The following IL1RAPL1 variants were observed in gnomAD, a reference collection of about 807,000 sequenced individuals.
The protein encoded by IL1RAPL1 is interleukin 1 receptor accessory protein like 1.
IL1RAPL1 carries 3 observed loss-of-function variants against 48.4 expected under a neutral mutation model. The observed-to-expected ratio is 0.06, with a 90% CI of 0.03 to 0.16. The LOEUF (loss-of-function observed/expected upper bound fraction) is 0.16, where lower values mean the gene tolerates loss of function less well. Ranked by LOEUF, IL1RAPL1 falls within the 10% of genes least tolerant of loss-of-function variation. The probability of loss-of-function intolerance (pLI) is 1.00; values close to 1 mark genes in which losing one functional copy is unlikely to be tolerated. For missense variants in IL1RAPL1, 349 were observed against 530.6 expected (o/e 0.66, Z 3.36); for synonymous variants, 185 against 187.7 (o/e 0.99, Z 0.12).
At chrX:28,750,714 C>G (rs1936033436) in intron 1 of IL1RAPL1, among the ~76,000 whole-genome samples, 1 of 111,543 alleles carries the variant, frequency 9.0e-6, no homozygotes, top group African/African-American at 3.3e-5. Flanking sequence ...TGTTTCTGAA[C>G]TTGTAAGGAA....
intron 2 of IL1RAPL1, among the ~76,000 whole-genome samples, chrX:28,827,500 G>C (rs1333185771): frequency 2.7e-5 from 3 of 111,229 alleles, no homozygotes; most frequent in Non-Finnish European, 3.8e-5. Context: ...ACTTTATTAG[G>C]TTATTTTTTA....
intron 2 of IL1RAPL1, among the ~76,000 whole-genome samples, chrX:28,808,299 A>G (rs1304990728): frequency 9.0e-6 from 1 of 111,268 alleles, no homozygotes; most frequent in African/African-American, 3.3e-5. Flanking sequence ...TTTTAAATGG[A>G]AACACTTAGT....
intron 2 of IL1RAPL1, among the ~76,000 whole-genome samples, chrX:28,914,847 G>A (rs1048902609): frequency 2.7e-5 from 3 of 112,106 alleles, no homozygotes; most frequent in African/African-American, 6.5e-5. Context: ...AAAACTAATC[G>A]CTTGGTAAAG....
At chrX:29,226,390 T>G (rs1931078089) in intron 2 of IL1RAPL1, among the ~76,000 whole-genome samples, 1 of 110,457 alleles carries the variant, frequency 9.1e-6, no homozygotes, top group Non-Finnish European at 1.9e-5. Context: ...TTGTTTTAAT[T>G]ATTCTCATTA....
intron 5 of IL1RAPL1, among the ~76,000 whole-genome samples, chrX:29,625,187 A>G (rs940337607): frequency 8.9e-6 from 1 of 112,062 alleles, no homozygotes; most frequent in Non-Finnish European, 1.9e-5. Context: ...GACTTGGCCT[A>G]ATTTTAAGAA....
intron 6 of IL1RAPL1, among the ~76,000 whole-genome samples, chrX:29,804,365 G>A (rs771784445): frequency 1.8e-5 from 2 of 111,184 alleles, no homozygotes; most frequent in South Asian, 7.7e-4. Flanking sequence ...TTTATTTTGA[G>A]GGAAGAGATA....
At chrX:29,476,479 A>G (rs141377577) in intron 5 of IL1RAPL1, among the ~76,000 whole-genome samples, 3 of 111,825 alleles carry the variant, frequency 2.7e-5, no homozygotes, top group African/African-American at 9.8e-5. Flanking sequence ...TGATGTAAAT[A>G]GTTATAGGTA....
intron 2 of IL1RAPL1, among the ~76,000 whole-genome samples, chrX:29,065,231 TTTTG>T (rs1247807363): frequency 9.0e-6 from 1 of 111,020 alleles, no homozygotes; most frequent in Non-Finnish European, 1.9e-5. Flanking sequence ...TACTTTCAGT[TTTTG>T]TTTGTGTGGG....
chrX:29,346,063 A>G (rs1005851226), intron 3 of IL1RAPL1, among the ~76,000 whole-genome samples: 3 of 112,130 alleles, frequency 2.7e-5, no homozygotes, highest in African/African-American at 9.7e-5. Flanking sequence ...AAAGGCTCCA[A>G]TGAGGAAAAG....
At chrX:29,488,983 G>A (rs751115902) in intron 5 of IL1RAPL1, among the ~76,000 whole-genome samples, 42 of 111,160 alleles carry the variant, frequency 3.8e-4, no homozygotes, top group Admixed American at 2.9e-3. Flanking sequence ...TGACATTTAA[G>A]CCTAAAACCA....
At chrX:29,056,468 C>T (rs1410457832) in intron 2 of IL1RAPL1, among the ~76,000 whole-genome samples, 4 of 111,493 alleles carry the variant, frequency 3.6e-5, no homozygotes, top group Non-Finnish European at 7.5e-5. Flanking sequence ...CTTTCATATA[C>T]GTGTTTATTG....
intron 6 of IL1RAPL1, among the ~76,000 whole-genome samples, chrX:29,803,374 TATGTATAC>T (rs1930138075): frequency 1.1e-5 from 1 of 88,941 alleles, no homozygotes; most frequent in Non-Finnish European, 2.2e-5. Context: ...CATATGTATA[TATGTATAC>T]ATGTATACAC....
chrX:28,845,604 G>GC (rs754777763), intron 2 of IL1RAPL1, among the ~76,000 whole-genome samples: 7 of 111,111 alleles, frequency 6.3e-5, no homozygotes, highest in Non-Finnish European at 9.5e-5. Flanking sequence ...TCAACTGAGT[G>GC]CTTGACTTTC....
intron 5 of IL1RAPL1, among the ~76,000 whole-genome samples, chrX:29,633,949 G>A (rs1199052469): frequency 9.0e-6 from 1 of 111,282 alleles, no homozygotes; most frequent in African/African-American, 3.3e-5. Flanking sequence ...CAGGTTCCTG[G>A]GTGACATGCC....
intron 5 of IL1RAPL1, among the ~76,000 whole-genome samples, chrX:29,634,694 G>A (rs1924909991): frequency 9.0e-6 from 1 of 111,421 alleles, no homozygotes; most frequent in South Asian, 3.8e-4. Flanking sequence ...CTCATACCCT[G>A]GAGTTCAATT....
intron 6 of IL1RAPL1, among the ~76,000 whole-genome samples, chrX:29,901,611 TGTTTC>T (rs1254363252): frequency 8.9e-6 from 1 of 112,166 alleles, no homozygotes; most frequent in African/African-American, 3.2e-5. Context: ...TTTTCCTTTT[TGTTTC>T]AACTGCTCAT....
chrX:29,103,834 A>G (rs1020336341), intron 2 of IL1RAPL1, among the ~76,000 whole-genome samples: 1 of 112,406 alleles, frequency 8.9e-6, no homozygotes, highest in Non-Finnish European at 1.9e-5. Flanking sequence ...ACTTCTCAAA[A>G]GAAGACAAGT....
chrX:29,370,276 G>A (rs771006451), intron 3 of IL1RAPL1, among the ~76,000 whole-genome samples: 10 of 110,646 alleles, frequency 9.0e-5, no homozygotes, highest in Non-Finnish European at 1.5e-4. Flanking sequence ...ATATGAAGAT[G>A]ACATAGCTTA....
At chrX:28,798,282 C>T (rs1936636733) in intron 2 of IL1RAPL1, among the ~76,000 whole-genome samples, 1 of 111,784 alleles carries the variant, frequency 8.9e-6, no homozygotes, top group Non-Finnish European at 1.9e-5. Flanking sequence ...GCACGTGATC[C>T]ATAAGGTGGC....
Sources: gnomAD v4.1 joint callset for allele counts (sites outside exome capture counted in the v4.1 genomes callset) on GRCh38, gnomAD v4.1.1 for gene constraint, MANE v1.5 for transcripts, NCBI Gene and HGNC (gene_info 2026-07-23, HGNC 2026-07-21) for gene names.